Variants in CACNA2D4 observed in about 807,000 individuals in gnomAD.
CACNA2D4 encodes the protein calcium voltage-gated channel auxiliary subunit alpha2delta 4.
In CACNA2D4, 157 loss-of-function variants were observed where a neutral mutation model predicts 163.8. That is an observed-to-expected ratio of 0.96 (90% CI 0.84 to 1.09). The LOEUF (loss-of-function observed/expected upper bound fraction) is 1.09, where lower values mean the gene tolerates loss of function less well. Ranked by LOEUF, CACNA2D4 falls within the 50% of genes least tolerant of loss-of-function variation. The pLI, the probability that CACNA2D4 is intolerant of heterozygous loss-of-function variation, is 0.00. For synonymous variants in CACNA2D4, 598 were observed against 586.9 expected, an observed-to-expected ratio of 1.02 and a Z score of -0.27; for missense variants, 1,410 against 1,479.9, an observed-to-expected ratio of 0.95 and a Z score of 0.78.
intron 26 of CACNA2D4, among the ~76,000 whole-genome samples, chr12:1,817,134 CA>C (rs1407189447): frequency 6.6e-6 from 1 of 152,342 alleles, no homozygotes; most frequent in African/African-American, 2.4e-5. Flanking sequence ...TTTTGTAACA[CA>C]AGCTGAGGAC....
At chr12:1,857,546 G>C (rs1421877005) in intron 20 of CACNA2D4, among the ~76,000 whole-genome samples, 2 of 152,194 alleles carry the variant, frequency 1.3e-5, no homozygotes, top group African/African-American at 2.4e-5. Context: ...GTACTCAGCA[G>C]ATAGCAGAGG....
rs1427256957 is a variant in CACNA2D4 at position 1,875,541 on chromosome 12, A to G, written c.1720-204T>C. ...ACTGACATCTATGACAGATGGTCTC[A>G]CGGCCTCTGAGTGAATCTTCCCCAT... is the stretch of plus-strand genomic sequence containing the variant. On this transcript the variant is annotated intron_variant, in intron 16 of 37. Coordinates refer to ENST00000382722, the MANE Select transcript of CACNA2D4 (RefSeq NM_172364.5). This position sits in a 1 kb window ranked among gnomAD's most constrained non-coding sequence, Gnocchi z 4.0. Among the ~76,000 whole-genome samples the G allele has an allele frequency of 6.6e-6, 1 of 152,152 alleles. No homozygotes were observed. Among genetic ancestry groups the G allele is most frequent in the Non-Finnish European group, 1.5e-5 (1 of 68,010 alleles).
chr12:1,916,679 CT>C (rs1866991143), intron 1 of CACNA2D4, among the ~76,000 whole-genome samples: 1 of 152,158 alleles, frequency 6.6e-6, no homozygotes, highest in African/African-American at 2.4e-5. Flanking sequence ...AAGACGGGGG[CT>C]TGTGTGTCCC....
In CACNA2D4 at chr12:1,798,705, A is replaced by C. The variant is rs1372866240; in HGVS notation, c.2995+970T>G. On this transcript the variant is annotated intron_variant, in intron 34 of 37. Coordinates refer to ENST00000382722, the MANE Select transcript of CACNA2D4 (RefSeq NM_172364.5). This position sits in a 1 kb window ranked among gnomAD's most constrained non-coding sequence, Gnocchi z 4.3. ...AGGCCAGACCAGGGGGAGGAGCTCC[A>C]GGGGACAGGTACCCCAGAGAAGAGA... Among the ~76,000 whole-genome samples the C allele has an allele frequency of 2.2e-4, 34 of 152,202 alleles. No homozygotes were observed. The highest frequency in any genetic ancestry group is 4.1e-4 in the South Asian group (2 of 4,824).
chr12:1,858,438 T>G, intron 20 of CACNA2D4, 139 bp downstream of exon 20: 1 of 698,112 alleles, frequency 1.4e-6, no homozygotes, highest in East Asian at 2.9e-5. Flanking sequence ...CCTGGCAGCA[T>G]TGTTCTGAGA....
Position 1,828,000 on chromosome 12 carries a change from C to T in CACNA2D4, c.2551+12739G>A, listed in dbSNP as rs371807809. ...GGCATGAGGAGTGTAAAGAGACACCCGGGCCCTCTCCCTAACCCCTGGGCT... is the reference window on the plus strand; with the variant it reads ...GGCATGAGGAGTGTAAAGAGACACCTGGGCCCTCTCCCTAACCCCTGGGCT... On this transcript the variant is annotated intron_variant, in intron 26 of 37. Transcript: ENST00000382722. The T allele has an allele frequency of 1.8e-4, 102 of 563,184 alleles. 3 individuals are homozygous for T. The highest frequency in any genetic ancestry group is 5.9e-4 in the Admixed American group (16 of 27,310). The allele number at this position is 563,184 out of a possible 1,614,324, so 34.9% of individuals were successfully genotyped here.
At chr12:1,815,645 C>T (rs559802386) in intron 26 of CACNA2D4, among the ~76,000 whole-genome samples, 17 of 151,986 alleles carry the variant, frequency 1.1e-4, no homozygotes, top group Non-Finnish European at 1.9e-4. Context: ...TCTTGAGCTA[C>T]GTAAGCAAAT....
rs1303988073 is a variant in CACNA2D4 at position 1,856,124 on chromosome 12, A to G, written c.2055-15T>C. 3 of 1,613,816 alleles carry G rather than the reference A, an allele frequency of 1.9e-6. No homozygotes were observed. Among genetic ancestry groups the G allele is most frequent in the Non-Finnish European group, 1.7e-6 (2 of 1,179,700 alleles). ...TGCAGTAGATCCTGAAACCCAGGAA[A>G]GTCAGTGTTATCTCAAAACATTCCA... is the stretch of plus-strand genomic sequence containing the variant. On this transcript the variant is annotated splice_polypyrimidine_tract_variant and intron_variant, in intron 21 of 37. Coordinates refer to ENST00000382722, the MANE Select transcript of CACNA2D4 (RefSeq NM_172364.5).
chr12:1,815,620 G>A (rs1257905040), intron 26 of CACNA2D4, among the ~76,000 whole-genome samples: 6 of 151,592 alleles, frequency 4.0e-5, no homozygotes, highest in Admixed American at 3.3e-4. Context: ...ATCACAGTGT[G>A]ACTCCATAAA....
chr12:1,818,114 G>A (rs1335630439), intron 26 of CACNA2D4, among the ~76,000 whole-genome samples: 1 of 146,480 alleles, frequency 6.8e-6, no homozygotes, highest in African/African-American at 2.5e-5. Flanking sequence ...TGGGATGTGA[G>A]GAGCGTCTCT....
intron 26 of CACNA2D4, among the ~76,000 whole-genome samples, chr12:1,816,781 T>C (rs1863889051): frequency 6.6e-6 from 1 of 151,846 alleles, no homozygotes; most frequent in Non-Finnish European, 1.5e-5. Context: ...GACACACACA[T>C]ATATGCACAC....
At chr12:1,850,053 C>T (rs915527418) in intron 23 of CACNA2D4, among the ~76,000 whole-genome samples, 1 of 152,014 alleles carries the variant, frequency 6.6e-6, no homozygotes, top group African/African-American at 2.4e-5. Flanking sequence ...ACATTTTTTT[C>T]ATATTTTTGC....
intron 14 of CACNA2D4, among the ~76,000 whole-genome samples, chr12:1,879,477 G>A (rs983768228): frequency 1.3e-5 from 2 of 152,074 alleles, no homozygotes; most frequent in African/African-American, 4.8e-5. Flanking sequence ...TGCACAACCT[G>A]GCAGATTAAG....
In CACNA2D4 at chr12:1,869,462, G is replaced by A. The variant is rs890268095; in HGVS notation, c.1878+5142C>T. 7.2e-5 allele frequency among the ~76,000 whole-genome samples: 11 copies of A among 152,230 alleles called. No homozygotes were observed. The highest frequency in any genetic ancestry group is 7.2e-4 in the Admixed American group (11 of 15,288). On this transcript the variant is annotated intron_variant, in intron 18 of 37. Coordinates refer to ENST00000382722, the MANE Select transcript of CACNA2D4 (RefSeq NM_172364.5). The surrounding 1 kb of genome is among the most constrained non-coding windows in gnomAD (Gnocchi z 4.7). ...ATGCAGCTCCTCATGGAAGGCACTG[G>A]CTCCGTCTGCGGGTCATCTGCCATC...
chr12:1,817,926 C>T (rs555982101), intron 26 of CACNA2D4, among the ~76,000 whole-genome samples: 2 of 151,952 alleles, frequency 1.3e-5, no homozygotes, highest in African/African-American at 2.4e-5. Context: ...AAGTGAGGAG[C>T]GTCTCCGCCT....
Position 1,828,292 on chromosome 12 carries a change from G to A in CACNA2D4, c.2551+12447C>T, listed in dbSNP as rs1731715931. The A allele has an allele frequency of 1.6e-6, 2 of 1,287,826 alleles. No homozygotes were observed. Among genetic ancestry groups the A allele is most frequent in the Middle Eastern group, 1.9e-4 (1 of 5,180 alleles). The allele number at this position is 1,287,826 out of a possible 1,614,324, so 79.8% of individuals were successfully genotyped here. A position where few individuals can be genotyped will look rare whatever the true frequency, so the allele number is the denominator to read the frequency against. On this transcript the variant is annotated intron_variant, in intron 26 of 37. Coordinates refer to ENST00000382722, the MANE Select transcript of CACNA2D4 (RefSeq NM_172364.5). The surrounding 1 kb of genome is among the most constrained non-coding windows in gnomAD (Gnocchi z 4.2). ...AGGTGACTGTAGGTAGCGCCATATG[G>A]GACCTTAGCCACACTCAGGCTGCAG...
At chr12:1,903,787 C>G (rs910608375) in intron 6 of CACNA2D4, among the ~76,000 whole-genome samples, 27 of 151,930 alleles carry the variant, frequency 1.8e-4, no homozygotes, top group African/African-American at 5.3e-4. Flanking sequence ...TAAATTAGTA[C>G]AACAACTATG....
intron 26 of CACNA2D4, chr12:1,831,204 G>C (rs770648822): frequency 5.6e-6 from 9 of 1,613,694 alleles, no homozygotes; most frequent in East Asian, 4.5e-5. Flanking sequence ...CTCCATTTTC[G>C]GGGACCTGAC....
At chr12:1,910,961 C>T (rs1005546314) in intron 3 of CACNA2D4, among the ~76,000 whole-genome samples, 2 of 151,766 alleles carry the variant, frequency 1.3e-5, no homozygotes, top group Non-Finnish European at 1.5e-5. Context: ...GTACTTAATG[C>T]CACTAAATTA....
Sources: gnomAD v4.1 joint callset for allele counts (sites outside exome capture counted in the v4.1 genomes callset) on GRCh38, gnomAD v4.1.1 for gene constraint, Gnocchi (gnomAD v3.1) non-coding constraint, MANE v1.5 for transcripts, NCBI Gene and HGNC (gene_info 2026-07-23, HGNC 2026-07-21) for gene names.